Variants in DOCK5 observed in about 807,000 individuals in gnomAD.
DOCK5 encodes the protein dedicator of cytokinesis 5.
DOCK5 carries 142 observed loss-of-function variants against 251.8 expected under a neutral mutation model. The observed-to-expected ratio is 0.56, with a 90% CI of 0.49 to 0.65. DOCK5 has a LOEUF of 0.65. Among genes scored for constraint, DOCK5 ranks in the 30% least tolerant of loss-of-function variants. The pLI is 0.00. For synonymous variants in DOCK5, 842 were observed against 835.5 expected (o/e 1.01, Z -0.13); for missense variants, 2,111 against 2,312.3 (o/e 0.91, Z 1.79).
chr8:25,244,355 C>T (rs1803039303), intron 2 of DOCK5, among the ~76,000 whole-genome samples: 1 of 152,190 alleles, frequency 6.6e-6, no homozygotes, highest in Admixed American at 6.5e-5. Context: ...TGTCTGTACC[C>T]ACTCCACTGC....
chr8:25,312,653 C>T (rs1435094018), intron 13 of DOCK5, among the ~76,000 whole-genome samples: 1 of 151,530 alleles, frequency 6.6e-6, no homozygotes, highest in Admixed American at 6.6e-5. Flanking sequence ...GTCCCAGTTA[C>T]TCAGGAGGCT....
chr8:25,239,967 G>A (rs1802902442), intron 1 of DOCK5, among the ~76,000 whole-genome samples: 1 of 152,200 alleles, frequency 6.6e-6, no homozygotes, highest in South Asian at 2.1e-4. Context: ...CTGAGAGGTT[G>A]ACTGTGATGT....
At chr8:25,275,787 G>A (rs187572683) in intron 4 of DOCK5, among the ~76,000 whole-genome samples, 12 of 152,194 alleles carry the variant, frequency 7.9e-5, no homozygotes, top group African/African-American at 2.9e-4. Flanking sequence ...AGTGAGCTGA[G>A]ATCATACCAC....
intron 2 of DOCK5, among the ~76,000 whole-genome samples, chr8:25,247,937 A>G (rs908725796): frequency 3.3e-5 from 5 of 152,144 alleles, no homozygotes; most frequent in Non-Finnish European, 7.3e-5. Context: ...CGCTCTTCTT[A>G]ACTGCTACCA....
chr8:25,222,360 A>G (rs181281769), intron 1 of DOCK5, among the ~76,000 whole-genome samples: 134 of 152,286 alleles, frequency 8.8e-4, no homozygotes, highest in African/African-American at 2.7e-3. Flanking sequence ...AAATGGAAAT[A>G]TAATTCAGTG....
chr8:25,332,025 A>C (rs1194111229), intron 18 of DOCK5, among the ~76,000 whole-genome samples: 4 of 152,182 alleles, frequency 2.6e-5, no homozygotes, highest in Non-Finnish European at 5.9e-5. Context: ...AGATATTCTA[A>C]GTTCTTATGC....
intron 1 of DOCK5, among the ~76,000 whole-genome samples, chr8:25,220,986 G>C (rs1802371869): frequency 6.6e-6 from 1 of 152,062 alleles, no homozygotes; most frequent in Non-Finnish European, 1.5e-5. Flanking sequence ...CTGTGGAGGG[G>C]GTGGGTAGGG....
In DOCK5 at chr8:25,382,819, G is replaced by C. The variant is rs554774966; in HGVS notation, c.4131+41G>C. The C allele has an allele frequency of 8.6e-6, 13 of 1,506,338 alleles. No individual in the cohort carries two copies. In the South Asian group the frequency reaches 1.1e-4, roughly 12 times the overall value. The allele number at this position is 1,506,338 out of a possible 1,614,324, so 93.3% of individuals were successfully genotyped here. On this transcript the variant is annotated intron_variant, in intron 40 of 51. Transcript: ENST00000276440. Reference sequence around the variant, plus strand: ...GTGGTCTCCCAGGCCATTAGGAGGAGGGAAGAGACTCATTTCTTTTCCAGA... The same window carrying C: ...GTGGTCTCCCAGGCCATTAGGAGGACGGAAGAGACTCATTTCTTTTCCAGA...
intron 21 of DOCK5, among the ~76,000 whole-genome samples, chr8:25,334,749 A>G (rs1226456894): frequency 3.3e-5 from 5 of 152,004 alleles, no homozygotes; most frequent in African/African-American, 9.7e-5. Flanking sequence ...TCAATAACAA[A>G]TGACTCAACC....
At chr8:25,337,772 G>A (rs1413014417) in intron 22 of DOCK5, among the ~76,000 whole-genome samples, 2 of 151,614 alleles carry the variant, frequency 1.3e-5, no homozygotes, top group Admixed American at 6.6e-5. Flanking sequence ...ATTTTTAGTA[G>A]CGATGGGGTT....
At chr8:25,283,449 AAG>A (rs1804253046) in intron 5 of DOCK5, among the ~76,000 whole-genome samples, 1 of 152,126 alleles carries the variant, frequency 6.6e-6, no homozygotes, top group African/African-American at 2.4e-5. Context: ...GTTGATGTAA[AAG>A]CTGCCGTGTT....
chr8:25,334,119 A>C lies in DOCK5; in HGVS notation c.2115A>C (p.Gly705=). The C allele has an allele frequency of 6.2e-7, 1 of 1,613,774 alleles. No individual in the cohort carries two copies. ...DALVFIISLI[G]DIKFQHFNPV... ...AGGTATTTATTATTTCACTGATAGG[A>C]GACATCAAGTTCCAGCATTTTAATC... Residue 705 remains glycine (G), a synonymous_variant, in exon 21 of 52, where the codon GGA becomes GGC. Coordinates refer to ENST00000276440, the MANE Select transcript of DOCK5 (RefSeq NM_024940.8).
rs1801656128 is a variant in DOCK5 at position 25,412,901 on chromosome 8, T to A, written c.*1603T>A. 1 of 152,202 alleles carries A rather than the reference T, an allele frequency of 6.6e-6. No individual in the cohort carries two copies. Among genetic ancestry groups the A allele is most frequent in the African/African-American group, 2.4e-5 (1 of 41,434 alleles). The allele number at this position is 152,202 out of a possible 1,614,324, so 9.4% of individuals were successfully genotyped here. A position where few individuals can be genotyped will look rare whatever the true frequency, so the allele number is the denominator to read the frequency against. On this transcript the variant is annotated 3_prime_UTR_variant, in exon 52 of 52. Transcript: ENST00000276440. ...CTCTCAGATGTGTCCAGGGCGTTAC[T>A]TAAGAAATGAGTATGCAGATTCTGG... is the stretch of plus-strand genomic sequence containing the variant.
At chr8:25,250,200 T>C (rs1385588240) in intron 2 of DOCK5, among the ~76,000 whole-genome samples, 2 of 152,202 alleles carry the variant, frequency 1.3e-5, no homozygotes, top group Non-Finnish European at 2.9e-5. Context: ...AACGAGCTTC[T>C]ATCCATCATC....
At chr8:25,327,821 C>T (rs1805598450) in intron 18 of DOCK5, among the ~76,000 whole-genome samples, 1 of 152,066 alleles carries the variant, frequency 6.6e-6, no homozygotes, top group Non-Finnish European at 1.5e-5. Flanking sequence ...TGTTATATAT[C>T]CTCGTGTCTA....
intron 1 of DOCK5, among the ~76,000 whole-genome samples, chr8:25,225,610 G>A (rs966163707): frequency 6.6e-6 from 1 of 151,858 alleles, no homozygotes; most frequent in African/African-American, 2.4e-5. Context: ...GGAGGCTGAG[G>A]CAGGAGAATG....
At chr8:25,373,737 C>A in intron 36 of DOCK5, 79 bp downstream of exon 36, 1 of 1,374,122 alleles carries the variant, frequency 7.3e-7, no homozygotes, top group Non-Finnish European at 1.0e-6. Context: ...CAAATACTTT[C>A]CCAACACCGT....
Position 25,331,230 on chromosome 8 carries a change from GACACACACACACAC to G in DOCK5, c.1904-993_1904-980del, listed in dbSNP as rs60869427. 9.9e-4 allele frequency among the ~76,000 whole-genome samples: 139 copies of G among 140,358 alleles called. 4 individuals carry two copies. In the South Asian group the frequency reaches 0.029, roughly 29 times the overall value. The allele number at this position is 140,358 out of a possible 152,430, so 92.1% of individuals were successfully genotyped here. A position where few individuals can be genotyped will look rare whatever the true frequency, so the allele number is the denominator to read the frequency against. ...GTCCAGATAACTGCAGTTTCTCTGT[GACACACACACACAC>G]ACACACACACACACACACACACACA... On this transcript the variant is annotated intron_variant, in intron 18 of 51. Transcript: ENST00000276440.
At chr8:25,315,842 A>T (rs1237645283) in intron 13 of DOCK5, among the ~76,000 whole-genome samples, 1 of 152,110 alleles carries the variant, frequency 6.6e-6, no homozygotes, top group Non-Finnish European at 1.5e-5. Flanking sequence ...GCAGTATCTT[A>T]TTTTTTTCCA....
Sources: allele counts gnomAD v4.1 joint callset (sites outside exome capture counted in the v4.1 genomes callset), GRCh38; gene constraint gnomAD v4.1.1; transcripts MANE v1.5; gene names NCBI Gene and HGNC (gene_info 2026-07-23, HGNC 2026-07-21).